NKAIN2: variants seen among roughly 807,000 people sequenced by gnomAD.
NKAIN2 encodes the protein sodium/potassium transporting ATPase interacting 2.
NKAIN2 carries 14 observed loss-of-function variants against 32.6 expected under a neutral mutation model. The ratio of observed to expected loss-of-function variants is 0.43; its 90% CI spans 0.28 to 0.67. NKAIN2 has a LOEUF of 0.67. NKAIN2 is among the 30% of genes least tolerant of loss of function. The pLI is 0.17. For missense variants in NKAIN2, 198 were observed against 258.3 expected, an observed-to-expected ratio of 0.77 and a Z score of 1.60; for synonymous variants, 80 against 87.2, an observed-to-expected ratio of 0.92 and a Z score of 0.46.
chr6:124,058,232 A>C (rs1328682634), intron 1 of NKAIN2, among the ~76,000 whole-genome samples: 1 of 148,988 alleles, frequency 6.7e-6, no homozygotes, highest in African/African-American at 2.5e-5. Context: ...GGTTTTAGGC[A>C]TATAACTCAG....
intron 1 of NKAIN2, among the ~76,000 whole-genome samples, chr6:123,999,916 G>T (rs2114709481): frequency 6.6e-6 from 1 of 151,940 alleles, no homozygotes; most frequent in Non-Finnish European, 1.5e-5. Flanking sequence ...TGTACAAATA[G>T]ATTTAAGAAC....
At chr6:124,442,277 T>C (rs919705698) in intron 3 of NKAIN2, among the ~76,000 whole-genome samples, 5 of 152,080 alleles carry the variant, frequency 3.3e-5, no homozygotes, top group East Asian at 1.9e-4. Flanking sequence ...CATTGGAGAA[T>C]TGAAGATATG....
intron 1 of NKAIN2, among the ~76,000 whole-genome samples, chr6:124,010,276 TTTTAA>T (rs1780266464): frequency 6.6e-6 from 1 of 151,990 alleles, no homozygotes; most frequent in Non-Finnish European, 1.5e-5. Context: ...CCTGGGCATT[TTTTAA>T]CTGATAAGGG....
chr6:124,346,351 C>T (rs574280938), intron 2 of NKAIN2, among the ~76,000 whole-genome samples: 43 of 152,098 alleles, frequency 2.8e-4, no homozygotes, highest in East Asian at 2.3e-3. Context: ...CTATTAGGTC[C>T]GCTTGGTGCA....
chr6:124,461,645 T>C (rs777168536), intron 3 of NKAIN2, among the ~76,000 whole-genome samples: 11 of 151,804 alleles, frequency 7.2e-5, no homozygotes, highest in Non-Finnish European at 1.5e-4. Flanking sequence ...TAAAAAGCAA[T>C]GCTATTATCA....
At chr6:124,138,923 G>A (rs981452229) in intron 1 of NKAIN2, among the ~76,000 whole-genome samples, 2 of 151,008 alleles carry the variant, frequency 1.3e-5, no homozygotes, top group Non-Finnish European at 2.9e-5. Flanking sequence ...AAGACTTGGG[G>A]GGAATGGTGA....
At chr6:124,161,290 T>C (rs1222658451) in intron 1 of NKAIN2, among the ~76,000 whole-genome samples, 1 of 151,956 alleles carries the variant, frequency 6.6e-6, no homozygotes, top group Non-Finnish European at 1.5e-5. Flanking sequence ...CTACACACTT[T>C]TGAACAACCA....
At chr6:123,839,006 C>T (rs1774748821) in intron 1 of NKAIN2, among the ~76,000 whole-genome samples, 1 of 152,188 alleles carries the variant, frequency 6.6e-6, no homozygotes, top group Admixed American at 6.5e-5. Context: ...TCAGCTCCAT[C>T]TGCACCGTAG....
intron 1 of NKAIN2, among the ~76,000 whole-genome samples, chr6:124,203,796 C>CT (rs1004052547): frequency 2.0e-5 from 3 of 151,678 alleles, no homozygotes; most frequent in South Asian, 2.1e-4. Context: ...ATTACACATT[C>CT]TTTTTTTTAA....
intron 3 of NKAIN2, among the ~76,000 whole-genome samples, chr6:124,419,490 T>C (rs1452755034): frequency 6.6e-6 from 1 of 152,152 alleles, no homozygotes; most frequent in South Asian, 2.1e-4. Context: ...ATAGGAACAT[T>C]GCAGACACTT....
chr6:124,020,638 A>G (rs1780821212), intron 1 of NKAIN2, among the ~76,000 whole-genome samples: 1 of 152,172 alleles, frequency 6.6e-6, no homozygotes, highest in Non-Finnish European at 1.5e-5. Flanking sequence ...TTAAAAACAT[A>G]TAAAATTTAA....
intron 3 of NKAIN2, among the ~76,000 whole-genome samples, chr6:124,562,574 A>G (rs1283503881): frequency 1.3e-5 from 2 of 152,234 alleles, no homozygotes; most frequent in Non-Finnish European, 2.9e-5. Flanking sequence ...ATTGATTACC[A>G]TATTAAAAAT....
intron 3 of NKAIN2, among the ~76,000 whole-genome samples, chr6:124,651,525 C>A (rs1016404131): frequency 6.6e-6 from 1 of 152,166 alleles, no homozygotes; most frequent in African/African-American, 2.4e-5. Context: ...GAACTTGGCA[C>A]GTCTGCAGAG....
chr6:123,965,919 T>G (rs1778054628), intron 1 of NKAIN2, among the ~76,000 whole-genome samples: 1 of 152,164 alleles, frequency 6.6e-6, no homozygotes, highest in African/African-American at 2.4e-5. Flanking sequence ...TTTAAATGCT[T>G]AAAATGTTAG....
chr6:124,433,313 G>T (rs905445215), intron 3 of NKAIN2, among the ~76,000 whole-genome samples: 6 of 152,184 alleles, frequency 3.9e-5, no homozygotes, highest in African/African-American at 1.4e-4. Context: ...AGCTAATGCT[G>T]TGTCTTTCAA....
At chr6:124,465,630 T>TAAAA (rs5879736) in intron 3 of NKAIN2, among the ~76,000 whole-genome samples, 31 of 140,832 alleles carry the variant, frequency 2.2e-4, no homozygotes, top group African/African-American at 7.6e-4. Flanking sequence ...AAAGTAAAGT[T>TAAAA]AAAAAAAAAA....
At chr6:124,444,478 A>G (rs900943446) in intron 3 of NKAIN2, among the ~76,000 whole-genome samples, 2 of 152,028 alleles carry the variant, frequency 1.3e-5, no homozygotes, top group African/African-American at 4.8e-5. Context: ...TGCTTTCAAT[A>G]TGCCTTTAAA....
At chr6:124,727,017 A>G (rs1204617796) in intron 4 of NKAIN2, among the ~76,000 whole-genome samples, 1 of 151,646 alleles carries the variant, frequency 6.6e-6, no homozygotes, top group African/African-American at 2.4e-5. Context: ...AAAAAGAACA[A>G]AAAGAAATGA....
intron 5 of NKAIN2, among the ~76,000 whole-genome samples, chr6:124,795,168 T>G (rs2181333): frequency 0.41 from 62,676 of 151,988 alleles, 14,085 homozygotes; most frequent in Non-Finnish European, 0.49. Context: ...AAGAGCCTTA[T>G]GAGGAACAGC....
Sources: allele counts gnomAD v4.1 joint callset (sites outside exome capture counted in the v4.1 genomes callset), GRCh38; gene constraint gnomAD v4.1.1; transcripts MANE v1.5; gene names NCBI Gene and HGNC (gene_info 2026-07-23, HGNC 2026-07-21).